The following SKIL variants were observed in gnomAD, a reference collection of about 807,000 sequenced individuals.
The protein encoded by SKIL is SKI like proto-oncogene.
Under a neutral mutation model 69.6 loss-of-function variants are expected in SKIL, and 20 were observed. That is an observed-to-expected ratio of 0.29 (90% confidence interval 0.20 to 0.42). The LOEUF (loss-of-function observed/expected upper bound fraction) is 0.42, where lower values mean the gene tolerates loss of function less well. SKIL is among the 10% of genes least tolerant of loss of function. SKIL has a pLI of 1.00. For synonymous variants in SKIL, 310 were observed against 279.9 expected (o/e 1.11, Z -1.08); for missense variants, 745 against 783.1 (o/e 0.95, Z 0.58).
At chr3:170,358,126 C>G (rs1043199490) in intron 1 of SKIL, among the ~76,000 whole-genome samples, 30 of 152,190 alleles carry the variant, frequency 2.0e-4, no homozygotes, top group African/African-American at 6.8e-4. Flanking sequence ...GCCCTGGTCT[C>G]GACCCGGTCC....
intron 2 of SKIL, among the ~76,000 whole-genome samples, chr3:170,366,649 G>A (rs910303334): frequency 6.6e-6 from 1 of 151,418 alleles, no homozygotes; most frequent in Non-Finnish European, 1.5e-5. Flanking sequence ...CATCCTGGGT[G>A]ACAGAGTGAA....
At chr3:170,372,988 AT>A (rs34211986) in intron 2 of SKIL, among the ~76,000 whole-genome samples, 93 of 134,170 alleles carry the variant, frequency 6.9e-4, no homozygotes, top group African/African-American at 2.0e-3. Flanking sequence ...ATAATTTTCA[AT>A]TTTTTTTTTT....
At chr3:170,363,719 G>C (rs1020679604) in intron 2 of SKIL, among the ~76,000 whole-genome samples, 1 of 152,058 alleles carries the variant, frequency 6.6e-6, no homozygotes, top group East Asian at 1.9e-4. Flanking sequence ...TCCTGACCTC[G>C]GGTGATCCAC....
At chr3:170,372,729 C>T (rs563239426) in intron 2 of SKIL, among the ~76,000 whole-genome samples, 2 of 152,214 alleles carry the variant, frequency 1.3e-5, no homozygotes, top group South Asian at 4.1e-4. Flanking sequence ...AGCAAAAAGA[C>T]CCTGATGAGA....
chr3:170,372,988 A>AT (rs34211986), intron 2 of SKIL, among the ~76,000 whole-genome samples: 30,249 of 133,950 alleles, frequency 0.23, 3,984 homozygotes, highest in Middle Eastern at 0.33. Flanking sequence ...ATAATTTTCA[A>AT]TTTTTTTTTT....
At chr3:170,380,672 T>C (rs1021128665) in intron 2 of SKIL, among the ~76,000 whole-genome samples, 1 of 151,800 alleles carries the variant, frequency 6.6e-6, no homozygotes, top group African/African-American at 2.4e-5. Flanking sequence ...ATAAATAAAA[T>C]AGATTTCGTA....
chr3:170,389,139 C>T (rs996363869), intron 4 of SKIL, among the ~76,000 whole-genome samples: 18 of 152,058 alleles, frequency 1.2e-4, no homozygotes, highest in African/African-American at 4.1e-4. Flanking sequence ...TCCCAAAGTG[C>T]TGGGATTATA....
At chr3:170,384,258 T>C (rs1452502360) in intron 3 of SKIL, among the ~76,000 whole-genome samples, 1 of 151,766 alleles carries the variant, frequency 6.6e-6, no homozygotes, top group Non-Finnish European at 1.5e-5. Context: ...AACCCAGGAG[T>C]TAGAGGTTAC....
intron 2 of SKIL, among the ~76,000 whole-genome samples, chr3:170,372,752 C>A (rs916661254): frequency 1.3e-5 from 2 of 152,120 alleles, no homozygotes; most frequent in Non-Finnish European, 2.9e-5. Context: ...TATTCACTTC[C>A]TGTGTATCCA....
At chr3:170,369,293 C>G (rs1000124364) in intron 2 of SKIL, among the ~76,000 whole-genome samples, 4 of 151,972 alleles carry the variant, frequency 2.6e-5, no homozygotes, top group African/African-American at 9.7e-5. Context: ...AAGAGATGGC[C>G]GTGTTTTCAG....
intron 4 of SKIL, chr3:170,384,973 T>C: frequency 2.6e-6 from 1 of 384,292 alleles, no homozygotes; most frequent in Non-Finnish European, 4.7e-6. Flanking sequence ...GAGACTGAGA[T>C]AGATACAGGC....
At chr3:170,373,175 A>T (rs1169805507) in intron 2 of SKIL, among the ~76,000 whole-genome samples, 1 of 144,382 alleles carries the variant, frequency 6.9e-6, no homozygotes. Context: ...TTTTTTATTT[A>T]TTTTTATTTT....
In SKIL at chr3:170,365,398, T is replaced by C. The variant is rs768306411; in HGVS notation, c.1098+3969T>C. Among the ~76,000 whole-genome samples the C allele has an allele frequency of 2.0e-5, 3 of 152,212 alleles. No individual in the cohort carries two copies. The East Asian group carries it at 5.8e-4, about 29-fold the overall frequency. On this transcript the variant is annotated intron_variant, in intron 2 of 6. Transcript: ENST00000259119. ...TGAAATGCTCTAAAGGCCAAAACTT[T>C]TTGAATGCTGACATGGCACTCACAG... is the stretch of plus-strand genomic sequence containing the variant.
In SKIL at chr3:170,396,755, G is replaced by C. The variant is rs1001161615; in HGVS notation, c.*4338G>C. On this transcript the variant is annotated 3_prime_UTR_variant, in exon 7 of 7. Transcript: ENST00000259119. ...TTATACCTCAATTGTATTTTGTGCT[G>C]TTTTCCATTTTCATGCCTTGTAAAT... 1 of 152,162 alleles carries C rather than the reference G, an allele frequency of 6.6e-6. No individual in the cohort carries two copies. Among genetic ancestry groups the C allele is most frequent in the African/African-American group, 2.4e-5 (1 of 41,426 alleles). The allele number at this position is 152,162 out of a possible 1,614,324, so 9.4% of individuals were successfully genotyped here. A position where few individuals can be genotyped will look rare whatever the true frequency, so the allele number is the denominator to read the frequency against.
At position 170,395,887 on chromosome 3, in the gene SKIL, T is replaced by C. The variant is rs1180697814; in HGVS notation, c.*3470T>C. 1 of 149,816 alleles carries C rather than the reference T, an allele frequency of 6.7e-6. No homozygotes were observed. Among genetic ancestry groups the C allele is most frequent in the Non-Finnish European group, 1.5e-5 (1 of 67,506 alleles). The allele number at this position is 149,816 out of a possible 1,614,324, so 9.3% of individuals were successfully genotyped here. A position where few individuals can be genotyped will look rare whatever the true frequency, so the allele number is the denominator to read the frequency against. ...CAATAAGGGACATAAAACTGCTGTA[T>C]TATACATTGTGGAATTGAATAAACA... On this transcript the variant is annotated 3_prime_UTR_variant, in exon 7 of 7. Transcript: ENST00000259119.
Position 170,365,517 on chromosome 3 carries a change from G to A in SKIL, c.1098+4088G>A, listed in dbSNP as rs369283015. Among the ~76,000 whole-genome samples, 30 of 152,246 alleles carry A rather than the reference G, an allele frequency of 2.0e-4. 1 individual carries two copies. The South Asian group carries it at 6.0e-3, about 30-fold the overall frequency. On this transcript the variant is annotated intron_variant, in intron 2 of 6. Transcript: ENST00000259119. Reference sequence around the variant, plus strand: ...CATATTCCAGAATCTGAAAAAATCAGAAATTCAAAATACTTTTGGTCCCAA... The same window carrying A: ...CATATTCCAGAATCTGAAAAAATCAAAAATTCAAAATACTTTTGGTCCCAA...
intron 2 of SKIL, among the ~76,000 whole-genome samples, chr3:170,365,965 AG>A (rs1259029844): frequency 4.6e-5 from 7 of 151,642 alleles, no homozygotes; most frequent in African/African-American, 1.7e-4. Context: ...CATGCTGGCC[AG>A]GCTGATCTTG....
At chr3:170,391,339 G>A (rs1299161555) in intron 6 of SKIL, 79 bp downstream of exon 6, 1 of 773,480 alleles carries the variant, frequency 1.3e-6, no homozygotes. Context: ...TTTTTTTTGA[G>A]ACAGAGACTG....
rs1162124821 is a variant in SKIL at position 170,387,951 on chromosome 3, A to AAG, written c.1430-2271_1430-2270insGA. On this transcript the variant is annotated intron_variant, in intron 4 of 6. Coordinates refer to ENST00000259119, the MANE Select transcript of SKIL (RefSeq NM_005414.5). ...TCCGTCTCAAAAAAAAAAAAAAAAA[A>AAG]AAAAAAGAATAATGCTGCTATAAAT... is the stretch of plus-strand genomic sequence containing the variant. 3.3e-5 allele frequency among the ~76,000 whole-genome samples: 5 copies of AAG among 149,592 alleles called. No homozygotes were observed. In the South Asian group the frequency reaches 1.1e-3, roughly 31 times the overall value.
Sources: gnomAD v4.1 joint callset for allele counts (sites outside exome capture counted in the v4.1 genomes callset) on GRCh38, gnomAD v4.1.1 for gene constraint, MANE v1.5 for transcripts, NCBI Gene and HGNC (gene_info 2026-07-23, HGNC 2026-07-21) for gene names.